The following SHANK2 variants were observed in gnomAD, a reference collection of about 807,000 sequenced individuals.
The protein encoded by SHANK2 is SH3 and multiple ankyrin repeat domains protein 2.
SHANK2 carries 43 observed loss-of-function variants against 133.7 expected under a neutral mutation model. The observed-to-expected ratio is 0.32, with a 90% CI of 0.25 to 0.41. The LOEUF is 0.41. Ranked by LOEUF, SHANK2 falls within the 10% of genes least tolerant of loss-of-function variation. The pLI, the probability that SHANK2 is intolerant of heterozygous loss-of-function variation, is 1.00. For missense variants in SHANK2, 1,994 were observed against 2,235.8 expected (o/e 0.89, Z 2.18); for synonymous variants, 1,017 against 952.8 (o/e 1.07, Z -1.24).
intron 10 of SHANK2, among the ~76,000 whole-genome samples, chr11:71,055,888 G>A (rs1004066834): frequency 4.6e-5 from 7 of 151,110 alleles, no homozygotes; most frequent in Non-Finnish European, 8.8e-5. Context: ...GGATGGTTTT[G>A]CACAGCATCA....
chr11:71,248,283 G>C lies in SHANK2; in HGVS notation c.-113+4142C>G, dbSNP rs1263651039. ...GTCCTTGAATCTGCCTTCAACAATGGAAAACGTGGGGCACATCAAGAAGTA... is the reference window on the plus strand; with the variant it reads ...GTCCTTGAATCTGCCTTCAACAATGCAAAACGTGGGGCACATCAAGAAGTA... On this transcript the variant is annotated intron_variant, in intron 1 of 25. Transcript: ENST00000601538. 6.6e-5 allele frequency among the ~76,000 whole-genome samples: 10 copies of C among 152,356 alleles called. No individual in the cohort carries two copies. In the East Asian group the frequency reaches 1.9e-3, roughly 29 times the overall value.
chr11:71,076,824 C>G (rs1387406519), intron 8 of SHANK2, among the ~76,000 whole-genome samples: 1 of 152,226 alleles, frequency 6.6e-6, no homozygotes, highest in Non-Finnish European at 1.5e-5. Context: ...AAGGGACGCC[C>G]AGCTGACCTT....
chr11:70,571,361 G>A (rs1231661367), intron 17 of SHANK2: 1 of 152,278 alleles, frequency 6.6e-6, no homozygotes, highest in Non-Finnish European at 1.5e-5. Context: ...GAAGGGCAGA[G>A]AATCAACGCC....
intron 17 of SHANK2, among the ~76,000 whole-genome samples, chr11:70,574,741 C>G (rs782249452): frequency 6.6e-6 from 1 of 152,120 alleles, no homozygotes; most frequent in Admixed American, 6.6e-5. Flanking sequence ...GAGCACAGAC[C>G]GGGGGTCTCA....
At chr11:71,197,283 C>CT (rs1953924391) in intron 2 of SHANK2, among the ~76,000 whole-genome samples, 1 of 152,142 alleles carries the variant, frequency 6.6e-6, no homozygotes, top group African/African-American at 2.4e-5. Flanking sequence ...TGGGCCCTCC[C>CT]GGGTGGGGTG....
At chr11:70,852,116 G>T (rs548131298) in intron 11 of SHANK2, among the ~76,000 whole-genome samples, 56 of 152,300 alleles carry the variant, frequency 3.7e-4, no homozygotes, top group African/African-American at 1.2e-3. Flanking sequence ...GGGGAGGAGC[G>T]TGGGCAGGGT....
Position 70,807,301 on chromosome 11 carries a change from C to T in SHANK2, c.1494-130G>A. 2 of 646,812 alleles carry T rather than the reference C, an allele frequency of 3.1e-6. No homozygotes were observed. Among genetic ancestry groups the T allele is most frequent in the Non-Finnish European group, 2.8e-6 (1 of 362,464 alleles). The allele number at this position is 646,812 out of a possible 1,614,324, so 40.1% of individuals were successfully genotyped here. ...CTGGCCGCATCAGAACTCCTGATGC[C>T]AGACAGGAAGATGGGAACAGGCCGG... is the stretch of plus-strand genomic sequence containing the variant. On this transcript the variant is annotated intron_variant, in intron 12 of 25. Coordinates refer to ENST00000601538, the MANE Select transcript of SHANK2 (RefSeq NM_012309.5). This position sits in a 1 kb window ranked among gnomAD's most constrained non-coding sequence, Gnocchi z 4.8.
chr11:70,546,000 C>T (rs1044527175), intron 17 of SHANK2, among the ~76,000 whole-genome samples: 6 of 152,066 alleles, frequency 3.9e-5, no homozygotes, highest in Non-Finnish European at 5.9e-5. Context: ...AAGAGAAGCT[C>T]GGGGCAAATG....
chr11:70,555,536 T>C (rs2059817914), intron 17 of SHANK2, among the ~76,000 whole-genome samples: 1 of 152,176 alleles, frequency 6.6e-6, no homozygotes, highest in African/African-American at 2.4e-5. Flanking sequence ...ACTTGAGCCC[T>C]CGAGTTTGAG....
chr11:71,228,753 C>T (rs544915910), intron 1 of SHANK2, among the ~76,000 whole-genome samples: 15 of 152,208 alleles, frequency 9.9e-5, no homozygotes, highest in South Asian at 8.3e-4. Flanking sequence ...AGTAAGACTC[C>T]ATCTCAAAAA....
chr11:71,111,559 C>T (rs533887479), intron 5 of SHANK2, among the ~76,000 whole-genome samples: 1 of 152,342 alleles, frequency 6.6e-6, no homozygotes, highest in East Asian at 1.9e-4. Flanking sequence ...GCGTCTAACA[C>T]TCCTCACCAG....
At position 70,470,051 on chromosome 11, in the gene SHANK2, C is replaced by CATTT. The variant is rs1392605811; in HGVS notation, c.*2814_*2817dup. ...CATGATCTTTAGATGAGCAGTTTAA[C>CATTT]ATTTGTTCCACCATTAAAGAGGGGC... On this transcript the variant is annotated 3_prime_UTR_variant, in exon 26 of 26. Transcript: ENST00000601538. 3 of 152,574 alleles carry CATTT rather than the reference C, an allele frequency of 2.0e-5. No homozygotes were observed. Among genetic ancestry groups the CATTT allele is most frequent in the Non-Finnish European group, 2.9e-5 (2 of 68,042 alleles). 9.5% of individuals were successfully genotyped at this position (152,574 alleles called of 1,614,324 possible).
At chr11:70,531,038 C>T (rs1000695705) in intron 17 of SHANK2, among the ~76,000 whole-genome samples, 6 of 150,416 alleles carry the variant, frequency 4.0e-5, no homozygotes, top group African/African-American at 1.2e-4. Flanking sequence ...ATAAAACATT[C>T]GTCGGGCTTG....
chr11:71,145,793 C>T (rs77861214), intron 3 of SHANK2, among the ~76,000 whole-genome samples: 10,766 of 101,904 alleles, frequency 0.11, 870 homozygotes, highest in African/African-American at 0.28. Context: ...TGGCTGGGGC[C>T]GGGAGACTGT....
intron 17 of SHANK2, among the ~76,000 whole-genome samples, chr11:70,631,402 A>C (rs902413921): frequency 1.3e-5 from 2 of 150,210 alleles, no homozygotes; most frequent in Non-Finnish European, 3.0e-5. Flanking sequence ...ACACACACAC[A>C]CACACACCCA....
rs963050061 is a variant in SHANK2 at position 71,087,107 on chromosome 11, G to A, written c.912+5315C>T. 8.1e-3 allele frequency among the ~76,000 whole-genome samples: 1,229 copies of A among 152,280 alleles called. 18 individuals are homozygous for A. The highest frequency in any genetic ancestry group is 0.028 in the African/African-American group (1,179 of 41,562). On this transcript the variant is annotated intron_variant, in intron 8 of 25. Transcript: ENST00000601538. ...GTGCAGCTGCACAGGCTCAGGCCCC[G>A]GGACCAAGGTGGCCGGGTGGCTCTG...
chr11:70,521,768 C>A (rs1272934251), intron 17 of SHANK2, among the ~76,000 whole-genome samples: 2 of 152,206 alleles, frequency 1.3e-5, no homozygotes, highest in Non-Finnish European at 2.9e-5. Flanking sequence ...TGGTCACATT[C>A]TTCTCGCCTT....
At chr11:70,548,558 G>A (rs2059725248) in intron 17 of SHANK2, among the ~76,000 whole-genome samples, 1 of 152,220 alleles carries the variant, frequency 6.6e-6, no homozygotes, top group South Asian at 2.1e-4. Flanking sequence ...CCCTTCCAGA[G>A]TCCCCAAGGA....
In SHANK2 at chr11:70,500,868, CTTGTCCCACCAGCACCCT is replaced by C. The variant is rs2059040448; in HGVS notation, c.2288-296_2288-279del. On this transcript the variant is annotated intron_variant, in intron 20 of 25. Transcript: ENST00000601538. The surrounding 1 kb of genome is among the most constrained non-coding windows in gnomAD (Gnocchi z 4.5). Reference sequence around the variant, plus strand: ...GGGCTTTCCTTCTTCCTCAGCACCCCTTGTCCCACCAGCACCCTGCCAAAGTAGGGAGGAGTTCTCAGA... The same window carrying C: ...GGGCTTTCCTTCTTCCTCAGCACCCCGCCAAAGTAGGGAGGAGTTCTCAGA... 3 of 681,272 alleles carry C rather than the reference CTTGTCCCACCAGCACCCT, an allele frequency of 4.4e-6. No individual in the cohort carries two copies. Among genetic ancestry groups the C allele is most frequent in the Admixed American group, 4.1e-5 (2 of 48,390 alleles). The allele number at this position is 681,272 out of a possible 1,614,324, so 42.2% of individuals were successfully genotyped here. A position where few individuals can be genotyped will look rare whatever the true frequency, so the allele number is the denominator to read the frequency against.
Sources: allele counts gnomAD v4.1 joint callset (sites outside exome capture counted in the v4.1 genomes callset), GRCh38; gene constraint gnomAD v4.1.1; non-coding constraint Gnocchi (gnomAD v3.1); transcripts MANE v1.5; gene names NCBI Gene and HGNC (gene_info 2026-07-23, HGNC 2026-07-21).